The following ZFAT variants were observed in gnomAD, a reference collection of about 807,000 sequenced individuals.
The protein encoded by ZFAT is zinc finger and AT-hook domain containing.
Under a neutral mutation model 117.7 loss-of-function variants are expected in ZFAT, and 64 were observed. The observed-to-expected ratio is 0.54, with a 90% CI of 0.44 to 0.67. The LOEUF (loss-of-function observed/expected upper bound fraction) is 0.67, where lower values mean the gene tolerates loss of function less well. Among genes scored for constraint, ZFAT ranks in the 30% least tolerant of loss-of-function variants. ZFAT has a pLI of 0.00. For missense variants in ZFAT, 1,433 were observed against 1,584.5 expected (o/e 0.90, Z 1.62); for synonymous variants, 679 against 615.0 (o/e 1.10, Z -1.54).
rs576388667 is a variant in ZFAT, at chr8:134,479,774, A to G, written c.3493-1053T>C. Among the ~76,000 whole-genome samples the G allele has an allele frequency of 3.3e-5, 5 of 152,206 alleles. No individual in the cohort carries two copies. The South Asian group carries it at 1.0e-3, about 32-fold the overall frequency. On this transcript the variant is annotated intron_variant, in intron 15 of 15. Coordinates refer to ENST00000377838, the MANE Select transcript of ZFAT (RefSeq NM_020863.4). ...GCTTTGAGCATCAATTCCACCATTT[A>G]TAAGCTACGAGGCCTGGGCAAGACA...
intron 15 of ZFAT, among the ~76,000 whole-genome samples, chr8:134,483,776 A>C (rs1563758599): frequency 6.6e-6 from 1 of 152,202 alleles, no homozygotes; most frequent in Non-Finnish European, 1.5e-5. Context: ...TGGAGTCTGG[A>C]CAAGATCACT....
At chr8:134,699,507 T>C (rs1833955963) in intron 1 of ZFAT, among the ~76,000 whole-genome samples, 2 of 152,052 alleles carry the variant, frequency 1.3e-5, no homozygotes, top group Admixed American at 1.3e-4. Flanking sequence ...TCTGCCTCCC[T>C]GGGTCCTCAT....
Position 134,601,987 on chromosome 8 carries a change from C to T in ZFAT, c.1732G>A (p.Glu578Lys), listed in dbSNP as rs200262210. ...TCTGAGGAGGAGACCACGGTGGTTTCCAGCTCACAGGGTGGCAGGGCTGTG... is the reference window on the plus strand; with the variant it reads ...TCTGAGGAGGAGACCACGGTGGTTTTCAGCTCACAGGGTGGCAGGGCTGTG... ...ESTALPPCEL[E>K]TTVVSSSDLH... Residue 578 changes from glutamate to lysine, a missense_variant, in exon 6 of 16, where the codon GAA becomes AAA. Physicochemically the swap from Glu to Lys is moderately conservative, Grantham distance 56. Coordinates refer to ENST00000377838, the MANE Select transcript of ZFAT (RefSeq NM_020863.4). The T allele has an allele frequency of 1.6e-4, 266 of 1,613,646 alleles. No homozygotes were observed. Among genetic ancestry groups the T allele is most frequent in the Non-Finnish European group, 1.6e-4 (192 of 1,179,928 alleles).
chr8:134,591,710 T>C (rs761373369), intron 7 of ZFAT, among the ~76,000 whole-genome samples: 3 of 152,172 alleles, frequency 2.0e-5, no homozygotes, highest in Non-Finnish European at 4.4e-5. Flanking sequence ...CAGAGCTGCA[T>C]GCAGGGAGAA....
chr8:134,788,900 T>C, the ZFAT span, among the ~76,000 whole-genome samples: 1 of 152,172 alleles, frequency 6.6e-6, no homozygotes, highest in South Asian at 2.1e-4. Flanking sequence ...TTTATTTGGT[T>C]TGCTGTGTTT....
At chr8:134,778,894 A>G in the ZFAT span, among the ~76,000 whole-genome samples, 7 of 152,228 alleles carry the variant, frequency 4.6e-5, no homozygotes, top group Non-Finnish European at 1.0e-4. Context: ...GCTAGTGGCC[A>G]GAGATGAGGA....
chr8:134,622,931 G>A (rs11990335), intron 3 of ZFAT, among the ~76,000 whole-genome samples: 20,461 of 151,970 alleles, frequency 0.13, 1,508 homozygotes, highest in Admixed American at 0.22. Context: ...CGGTCCCACA[G>A]GTACACCATG....
At chr8:134,645,216 T>G (rs2131146423) in intron 2 of ZFAT, among the ~76,000 whole-genome samples, 1 of 152,324 alleles carries the variant, frequency 6.6e-6, no homozygotes, top group Non-Finnish European at 1.5e-5. Context: ...ATAAATCAAT[T>G]ACTACTCAGT....
chr8:134,492,156 C>A (rs1250130936), intron 15 of ZFAT, among the ~76,000 whole-genome samples: 1 of 151,200 alleles, frequency 6.6e-6, no homozygotes, highest in Non-Finnish European at 1.5e-5. Context: ...ACTCCACGTG[C>A]TACGGCAAGC....
intron 11 of ZFAT, among the ~76,000 whole-genome samples, chr8:134,543,018 G>A (rs115449220): frequency 1.4e-5 from 2 of 145,606 alleles, no homozygotes; most frequent in African/African-American, 5.2e-5. Flanking sequence ...AGTGAGTCAG[G>A]CACATGCAGT....
At chr8:134,823,222 A>G in the ZFAT span, among the ~76,000 whole-genome samples, 1 of 152,216 alleles carries the variant, frequency 6.6e-6, no homozygotes, top group East Asian at 1.9e-4. Context: ...ACCTCAGTAG[A>G]GATAGCAGTT....
upstream of ZFAT, among the ~76,000 whole-genome samples, chr8:134,713,644 C>T (rs1814125795): frequency 6.6e-6 from 1 of 152,156 alleles, no homozygotes; most frequent in Non-Finnish European, 1.5e-5. Context: ...CTCCAACACC[C>T]GCTCATTCAT....
At chr8:134,658,515 T>C (rs1831762911) in intron 1 of ZFAT, among the ~76,000 whole-genome samples, 1 of 152,152 alleles carries the variant, frequency 6.6e-6, no homozygotes, top group South Asian at 2.1e-4. Context: ...CAGGAATTTG[T>C]TGCCTTTTTA....
In ZFAT at chr8:134,602,344, C is replaced by T. The variant is rs756572466; in HGVS notation, c.1375G>A (p.Val459Ile). 31 of 1,613,856 alleles carry T rather than the reference C, an allele frequency of 1.9e-5. No individual in the cohort carries two copies. Among genetic ancestry groups the T allele is most frequent in the African/African-American group, 1.6e-4 (12 of 75,064 alleles). ...AACTTCTTGCGGCAGACGGCACAGA[C>T]GTACACGAAGGGGTGCTTCCTGACA... ...LHVRKHPFVY[V>I]CAVCRKKFVS... The change falls in exon 6 of 16, where the codon GTC becomes ATC. Residue 459 changes from valine to isoleucine, a missense_variant. Val to Ile is a conservative substitution (Grantham distance 29). Around this residue, in one of 5 missense-constraint regions of ZFAT, gnomAD observed 73 missense variants for 122.0 expected, o/e 0.60. Transcript: ENST00000377838.
intron 1 of ZFAT, among the ~76,000 whole-genome samples, chr8:134,679,251 A>G (rs1407572080): frequency 6.6e-6 from 1 of 152,226 alleles, no homozygotes; most frequent in African/African-American, 2.4e-5. Flanking sequence ...AGAAAAAAAC[A>G]AACAACCCCA....
chr8:134,629,470 C>T (rs938581027), intron 3 of ZFAT, among the ~76,000 whole-genome samples: 1 of 151,792 alleles, frequency 6.6e-6, no homozygotes, highest in African/African-American at 2.4e-5. Context: ...CATGTGATTC[C>T]CTGCTGGCTG....
chr8:134,711,200 C>T (rs1194496158), intron 1 of ZFAT, among the ~76,000 whole-genome samples: 1 of 152,230 alleles, frequency 6.6e-6, no homozygotes, highest in Non-Finnish European at 1.5e-5. Context: ...AACTCCTGGA[C>T]TCAAGGGACC....
chr8:134,791,923 T>C, the ZFAT span: 3 of 152,342 alleles, frequency 2.0e-5, 1 homozygote, highest in Admixed American at 2.0e-4. Context: ...TTTAAGCTAC[T>C]GTCTTAGAGT....
At chr8:134,747,591 C>A in the ZFAT span, among the ~76,000 whole-genome samples, 1 of 152,174 alleles carries the variant, frequency 6.6e-6, no homozygotes, top group Non-Finnish European at 1.5e-5. Flanking sequence ...CACATCCCTC[C>A]AAAATATAGC....
Sources: allele counts gnomAD v4.1 joint callset (sites outside exome capture counted in the v4.1 genomes callset), GRCh38; gene constraint gnomAD v4.1.1; regional missense constraint gnomAD v4.1.1; transcripts MANE v1.5; gene names NCBI Gene and HGNC (gene_info 2026-07-23, HGNC 2026-07-21).